FAM227B: variants seen among roughly 807,000 people sequenced by gnomAD.
FAM227B encodes the protein protein FAM227B.
A neutral mutation model predicts 73.8 loss-of-function variants in FAM227B; 88 were observed. That is an observed-to-expected ratio of 1.19 (90% confidence interval 1.00 to 1.42). The LOEUF is 1.42. Ranked by LOEUF, FAM227B falls within the 40% of genes most tolerant of loss-of-function variation. The pLI is 0.00. For missense variants in FAM227B, 632 were observed against 590.9 expected, an observed-to-expected ratio of 1.07 and a Z score of -0.72; for synonymous variants, 210 against 190.5, an observed-to-expected ratio of 1.10 and a Z score of -0.84.
At chr15:49,568,997 G>A (rs565508449) in intron 8 of FAM227B, among the ~76,000 whole-genome samples, 2 of 151,938 alleles carry the variant, frequency 1.3e-5, no homozygotes, top group African/African-American at 2.4e-5. Context: ...CCCCAGTGAC[G>A]CCATCTGGTA....
chr15:49,388,262 T>C (rs1414268133), intron 11 of FAM227B, among the ~76,000 whole-genome samples: 1 of 151,868 alleles, frequency 6.6e-6, no homozygotes, highest in East Asian at 1.9e-4. Context: ...TAAAACAGCA[T>C]GATACTGATA....
chr15:49,358,015 A>C (rs979495168), intron 13 of FAM227B, among the ~76,000 whole-genome samples: 7 of 152,068 alleles, frequency 4.6e-5, no homozygotes, highest in African/African-American at 1.7e-4. Context: ...GATGCAGAAA[A>C]AGCCTTTGAC....
At chr15:49,585,901 T>C (rs2076130401) in intron 5 of FAM227B, among the ~76,000 whole-genome samples, 1 of 151,946 alleles carries the variant, frequency 6.6e-6, no homozygotes, top group African/African-American at 2.4e-5. Context: ...TGGAAAAACG[T>C]TCCATGCTCG....
At chr15:49,422,814 G>A (rs2049801021) in intron 11 of FAM227B, 1 of 1,049,178 alleles carries the variant, frequency 9.5e-7, no homozygotes, top group Admixed American at 2.2e-5. Context: ...GTGCTTTAAG[G>A]CACTCATATG....
intron 9 of FAM227B, among the ~76,000 whole-genome samples, chr15:49,556,370 G>A (rs2073682906): frequency 6.6e-6 from 1 of 152,186 alleles, no homozygotes; most frequent in African/African-American, 2.4e-5. Context: ...TGGGCAGGGT[G>A]CTCTAACTCT....
At chr15:49,349,534 A>G (rs6493362) in intron 13 of FAM227B, among the ~76,000 whole-genome samples, 62,814 of 151,868 alleles carry the variant, frequency 0.41, 13,104 homozygotes, top group African/African-American at 0.43. Context: ...TAAGTTTTAA[A>G]TGTATTTTTA....
At chr15:49,524,141 G>T (rs777293598) in intron 10 of FAM227B, among the ~76,000 whole-genome samples, 1 of 152,228 alleles carries the variant, frequency 6.6e-6, no homozygotes, top group Non-Finnish European at 1.5e-5. Context: ...ATCCCCAACA[G>T]AATGGGGAAA....
At chr15:49,354,332 T>G (rs1009029888) in intron 13 of FAM227B, among the ~76,000 whole-genome samples, 1 of 152,098 alleles carries the variant, frequency 6.6e-6, no homozygotes, top group Non-Finnish European at 1.5e-5. Context: ...CCATCTGAGG[T>G]ACCGGGTTCA....
At chr15:49,571,096 T>C (rs564314949) in intron 8 of FAM227B, among the ~76,000 whole-genome samples, 59 of 151,652 alleles carry the variant, frequency 3.9e-4, no homozygotes, top group African/African-American at 1.4e-3. Context: ...TAAACAGAAA[T>C]GGGATTGCTG....
intron 11 of FAM227B, among the ~76,000 whole-genome samples, chr15:49,395,621 A>G (rs1373497917): frequency 2.0e-5 from 3 of 152,178 alleles, no homozygotes; most frequent in East Asian, 3.8e-4. Context: ...CATCACATAC[A>G]TGGCAGCTAA....
chr15:49,572,957 A>G (rs138399309), intron 8 of FAM227B, among the ~76,000 whole-genome samples: 1 of 144,000 alleles, frequency 6.9e-6, no homozygotes, highest in Non-Finnish European at 1.5e-5. Flanking sequence ...TTATTATTTT[A>G]TTTTCTTCTG....
intron 10 of FAM227B, among the ~76,000 whole-genome samples, chr15:49,536,304 T>C (rs1316176195): frequency 6.6e-6 from 1 of 151,792 alleles, no homozygotes; most frequent in East Asian, 1.9e-4. Context: ...AAAAAAGATA[T>C]TTAAAAATTC....
chr15:49,359,377 C>A (rs2043768445), intron 13 of FAM227B, among the ~76,000 whole-genome samples: 1 of 118,592 alleles, frequency 8.4e-6, no homozygotes, highest in African/African-American at 3.2e-5. Flanking sequence ...ACAATAAACT[C>A]AAACAAATTT....
intron 11 of FAM227B, among the ~76,000 whole-genome samples, chr15:49,376,163 T>G (rs1026119090): frequency 3.3e-5 from 5 of 152,062 alleles, no homozygotes; most frequent in Non-Finnish European, 5.9e-5. Flanking sequence ...ATTTTTAATT[T>G]TGTTGCTTTT....
At chr15:49,346,067 C>CT (rs2041453867) in intron 13 of FAM227B, among the ~76,000 whole-genome samples, 15 of 146,304 alleles carry the variant, frequency 1.0e-4, no homozygotes, top group African/African-American at 3.8e-4. Context: ...TTTTTTTTTC[C>CT]TTTTTCCATG....
At chr15:49,398,044 C>T (rs1596880133) in intron 11 of FAM227B, among the ~76,000 whole-genome samples, 1 of 152,168 alleles carries the variant, frequency 6.6e-6, no homozygotes, top group Admixed American at 6.5e-5. Flanking sequence ...TTAAAAGACA[C>T]AGACTGGCAA....
intron 11 of FAM227B, among the ~76,000 whole-genome samples, chr15:49,453,869 G>A (rs1402638688): frequency 6.6e-6 from 1 of 152,056 alleles, no homozygotes. Flanking sequence ...TTTTACATAA[G>A]AGTTCTGATA....
intron 11 of FAM227B, among the ~76,000 whole-genome samples, chr15:49,418,789 A>AG (rs999737950): frequency 6.6e-6 from 1 of 150,776 alleles, no homozygotes; most frequent in African/African-American, 2.4e-5. Flanking sequence ...GATCAAAAAA[A>AG]GAAAAAAAAA....
intron 10 of FAM227B, among the ~76,000 whole-genome samples, chr15:49,538,565 C>G (rs2070600654): frequency 6.6e-6 from 1 of 152,154 alleles, no homozygotes; most frequent in Non-Finnish European, 1.5e-5. Flanking sequence ...CCTGCCCTTT[C>G]TCTCTCTTCA....
Sources: gnomAD v4.1 joint callset for allele counts (sites outside exome capture counted in the v4.1 genomes callset) on GRCh38, gnomAD v4.1.1 for gene constraint, MANE v1.5 for transcripts, NCBI Gene and HGNC (gene_info 2026-07-23, HGNC 2026-07-21) for gene names.